The following PCDH15 variants were observed in gnomAD, a reference collection of about 807,000 sequenced individuals.
The protein encoded by PCDH15 is protocadherin related 15.
In PCDH15, 129 loss-of-function variants were observed where a neutral mutation model predicts 178.5. That is an observed-to-expected ratio of 0.72 (90% CI 0.63 to 0.84). The LOEUF is 0.84. Among genes scored for constraint, PCDH15 ranks in the 40% least tolerant of loss-of-function variants. The pLI is 0.00. For synonymous variants in PCDH15, 800 were observed against 732.0 expected, an observed-to-expected ratio of 1.09 and a Z score of -1.50; for missense variants, 2,230 against 2,099.9, an observed-to-expected ratio of 1.06 and a Z score of -1.21.
chr10:54,590,381 T>C (rs1199623486), intron 2 of PCDH15, among the ~76,000 whole-genome samples: 1 of 152,176 alleles, frequency 6.6e-6, no homozygotes, highest in Non-Finnish European at 1.5e-5. Flanking sequence ...AGTCCAAAAA[T>C]TACCTCTTGC....
chr10:55,586,076 A>G (rs931065405), intron 2 of PCDH15, among the ~76,000 whole-genome samples: 5 of 152,048 alleles, frequency 3.3e-5, no homozygotes, highest in African/African-American at 7.2e-5. Context: ...AAATTTGACA[A>G]ATGTTCTCTA....
intron 7 of PCDH15, among the ~76,000 whole-genome samples, chr10:54,320,085 G>A (rs192958840): frequency 2.4e-4 from 37 of 152,040 alleles, no homozygotes; most frequent in African/African-American, 8.9e-4. Flanking sequence ...ATCCCTAGAG[G>A]CACTATAAAG....
Position 55,415,421 on chromosome 10 carries a change from G to A in PCDH15, c.-156+212204C>T, listed in dbSNP as rs1838455342. ...AATATAGTCTATTTTAGGATCCATTGGAAAAAGTATTTGACATTCCAAATA... is the reference window on the plus strand; with the variant it reads ...AATATAGTCTATTTTAGGATCCATTAGAAAAAGTATTTGACATTCCAAATA... On this transcript the variant is annotated intron_variant, in intron 2 of 5. Transcript: ENST00000613346. Among the ~76,000 whole-genome samples, 5 of 151,450 alleles carry A rather than the reference G, an allele frequency of 3.3e-5. No individual in the cohort carries two copies. The Admixed American group carries it at 3.3e-4, about 10-fold the overall frequency.
chr10:54,055,023 G>A (rs1190609019), intron 18 of PCDH15, among the ~76,000 whole-genome samples: 3 of 152,080 alleles, frequency 2.0e-5, no homozygotes. Flanking sequence ...ACCCCACACA[G>A]GGAGACAACT....
intron 3 of PCDH15, among the ~76,000 whole-genome samples, chr10:54,478,332 A>G (rs942283049): frequency 6.6e-6 from 1 of 152,152 alleles, no homozygotes; most frequent in African/African-American, 2.4e-5. Context: ...TTACTAAAAC[A>G]GGTCCTAAGG....
intron 2 of PCDH15, among the ~76,000 whole-genome samples, chr10:55,497,577 G>T (rs1048607504): frequency 6.8e-4 from 103 of 151,656 alleles, no homozygotes; most frequent in African/African-American, 2.4e-3. Flanking sequence ...ATTTCCTTGG[G>T]AAAACATTTT....
At chr10:55,422,132 C>T (rs940660947) in intron 2 of PCDH15, among the ~76,000 whole-genome samples, 1 of 150,116 alleles carries the variant, frequency 6.7e-6, no homozygotes, top group Admixed American at 6.6e-5. Flanking sequence ...CACCGCTACC[C>T]ACAGCCCATA....
intron 2 of PCDH15, among the ~76,000 whole-genome samples, chr10:55,021,440 C>G (rs1564723424): frequency 6.6e-6 from 1 of 152,116 alleles, no homozygotes; most frequent in African/African-American, 2.4e-5. Flanking sequence ...TGGAGAGGAG[C>G]AAGTCACTAT....
chr10:54,370,335 T>C (rs1471061656), intron 4 of PCDH15, among the ~76,000 whole-genome samples: 1 of 152,006 alleles, frequency 6.6e-6, no homozygotes, highest in Non-Finnish European at 1.5e-5. Context: ...TGACATCTCC[T>C]TTCAAATTTC....
chr10:54,435,187 T>A (rs2075301628), intron 3 of PCDH15, among the ~76,000 whole-genome samples: 1 of 152,182 alleles, frequency 6.6e-6, no homozygotes, highest in Admixed American at 6.5e-5. Context: ...TCTCATACCA[T>A]ACATTTATTG....
chr10:54,543,401 G>A (rs2085479929), intron 2 of PCDH15, among the ~76,000 whole-genome samples: 1 of 152,112 alleles, frequency 6.6e-6, no homozygotes. Flanking sequence ...AGACACTGGG[G>A]TCAGAGCCCC....
At chr10:54,986,406 A>G (rs1839365715) in intron 2 of PCDH15, among the ~76,000 whole-genome samples, 3 of 152,158 alleles carry the variant, frequency 2.0e-5, no homozygotes, top group African/African-American at 7.2e-5. Context: ...ATGTGAGTTA[A>G]TATTTTATTT....
intron 2 of PCDH15, among the ~76,000 whole-genome samples, chr10:55,613,582 T>G (rs1843414686): frequency 6.6e-6 from 1 of 152,168 alleles, no homozygotes; most frequent in South Asian, 2.1e-4. Context: ...ATAAGGATAA[T>G]CATTTGTGAT....
intron 6 of PCDH15, among the ~76,000 whole-genome samples, chr10:54,337,397 G>C (rs1941390240): frequency 6.6e-6 from 1 of 152,060 alleles, no homozygotes. Context: ...TTGAACTGTA[G>C]CTCCCATAAT....
chr10:55,212,691 T>C (rs2132172401), intron 1 of PCDH15, among the ~76,000 whole-genome samples: 1 of 152,090 alleles, frequency 6.6e-6, no homozygotes, highest in East Asian at 1.9e-4. Flanking sequence ...AAGCTCTGGG[T>C]CATGTGAGTA....
intron 26 of PCDH15, among the ~76,000 whole-genome samples, chr10:53,894,809 G>C (rs1268574451): frequency 6.6e-6 from 1 of 152,210 alleles, no homozygotes; most frequent in Non-Finnish European, 1.5e-5. Flanking sequence ...ATATTTATGT[G>C]AGAAGATATC....
chr10:55,071,961 C>T (rs1324565397), intron 2 of PCDH15, among the ~76,000 whole-genome samples: 1 of 152,132 alleles, frequency 6.6e-6, no homozygotes, highest in African/African-American at 2.4e-5. Context: ...AACCGCTCAA[C>T]TACATGGAAA....
At chr10:55,223,734 C>T (rs896762433) in intron 1 of PCDH15, among the ~76,000 whole-genome samples, 5 of 152,120 alleles carry the variant, frequency 3.3e-5, no homozygotes, top group South Asian at 2.1e-4. Flanking sequence ...TGTGAGTATA[C>T]GATTTATTGT....
At chr10:55,077,887 CTTTA>C (rs1841948070) in intron 2 of PCDH15, among the ~76,000 whole-genome samples, 1 of 152,050 alleles carries the variant, frequency 6.6e-6, no homozygotes, top group African/African-American at 2.4e-5. Context: ...TTTTTCTCTT[CTTTA>C]TTTGTGTCAT....
Sources: gnomAD v4.1 joint callset for allele counts (sites outside exome capture counted in the v4.1 genomes callset) on GRCh38, gnomAD v4.1.1 for gene constraint, MANE v1.5 for transcripts, NCBI Gene and HGNC (gene_info 2026-07-23, HGNC 2026-07-21) for gene names.